NSMCE2: variants seen among roughly 807,000 people sequenced by gnomAD.
NSMCE2 encodes the protein E3 SUMO-protein ligase NSE2.
In NSMCE2, 24 loss-of-function variants were observed where a neutral mutation model predicts 23.8. The observed-to-expected ratio is 1.01, with a 90% confidence interval of 0.73 to 1.42. The LOEUF (loss-of-function observed/expected upper bound fraction) is 1.42. Ranked by LOEUF, NSMCE2 falls within the 40% of genes most tolerant of loss-of-function variation. The pLI, the probability that NSMCE2 is intolerant of heterozygous loss-of-function variation, is 0.00. For synonymous variants in NSMCE2, 92 were observed against 94.1 expected, an observed-to-expected ratio of 0.98 and a Z score of 0.13; for missense variants, 284 against 296.5, an observed-to-expected ratio of 0.96 and a Z score of 0.31.
intron 3 of NSMCE2, among the ~76,000 whole-genome samples, chr8:125,110,249 A>G (rs1818662676): frequency 1.3e-5 from 2 of 152,234 alleles, no homozygotes; most frequent in Admixed American, 1.3e-4. Context: ...ATGTATGTGC[A>G]TGAGGATTAA....
At chr8:125,294,774 G>T (rs796105915) in intron 5 of NSMCE2, among the ~76,000 whole-genome samples, 17 of 152,296 alleles carry the variant, frequency 1.1e-4, no homozygotes, top group African/African-American at 3.8e-4. Flanking sequence ...TTTGTTTTGC[G>T]CTATGAATTC....
chr8:125,103,947 C>A (rs1011136417), intron 3 of NSMCE2, among the ~76,000 whole-genome samples: 4 of 149,466 alleles, frequency 2.7e-5, no homozygotes, highest in African/African-American at 9.8e-5. Context: ...TTAATTCTGT[C>A]ATCTCTATGT....
At position 125,212,838 on chromosome 8, in the gene NSMCE2, C is replaced by T. The variant is rs202046362; in HGVS notation, c.418+30582C>T. 4.3e-4 allele frequency among the ~76,000 whole-genome samples: 65 copies of T among 152,206 alleles called. No homozygotes were observed. The East Asian group carries it at 8.9e-3, about 21-fold the overall frequency. On this transcript the variant is annotated intron_variant, in intron 5 of 7. Transcript: ENST00000287437. ...AGATTTCAGCCCGGGTTCTAATCAC[C>T]GAGGCATGTACCTGGTATGCCTGGA...
At chr8:125,344,810 A>T (rs1327891537) in intron 5 of NSMCE2, among the ~76,000 whole-genome samples, 1 of 151,894 alleles carries the variant, frequency 6.6e-6, no homozygotes, top group Non-Finnish European at 1.5e-5. Flanking sequence ...TTTTCACCTC[A>T]TGTAATGTAA....
At chr8:125,201,939 C>T (rs1823900646) in intron 5 of NSMCE2, among the ~76,000 whole-genome samples, 1 of 152,044 alleles carries the variant, frequency 6.6e-6, no homozygotes, top group Admixed American at 6.5e-5. Context: ...CCCCCGCCTT[C>T]CTGCGAAGCT....
At chr8:125,341,609 T>C (rs1392078701) in intron 5 of NSMCE2, among the ~76,000 whole-genome samples, 1 of 152,112 alleles carries the variant, frequency 6.6e-6, no homozygotes, top group African/African-American at 2.4e-5. Context: ...GGCAAAACAC[T>C]TGATCCCATC....
chr8:125,237,470 A>G (rs1304055754), intron 5 of NSMCE2, among the ~76,000 whole-genome samples: 1 of 152,176 alleles, frequency 6.6e-6, no homozygotes, highest in South Asian at 2.1e-4. Flanking sequence ...CATTCAGTCC[A>G]CCTGGCAGAT....
intron 5 of NSMCE2, among the ~76,000 whole-genome samples, chr8:125,196,178 G>A (rs1823606447): frequency 6.7e-6 from 1 of 149,472 alleles, no homozygotes; most frequent in Non-Finnish European, 1.5e-5. Flanking sequence ...GCCACCAAGT[G>A]CAGCCCTGGA....
intron 3 of NSMCE2, among the ~76,000 whole-genome samples, chr8:125,145,730 G>A (rs1820640024): frequency 1.3e-5 from 2 of 152,116 alleles, no homozygotes; most frequent in Admixed American, 1.3e-4. Flanking sequence ...AAGTAATTCT[G>A]CAACATGAAG....
chr8:125,151,425 C>T (rs1353122513), intron 4 of NSMCE2, 148 bp downstream of exon 4: 1 of 454,564 alleles, frequency 2.2e-6, no homozygotes, highest in African/African-American at 2.0e-5. Flanking sequence ...TTGGAAGTCT[C>T]ATAAAATTGG....
chr8:125,188,681 C>T (rs528883144), intron 5 of NSMCE2, among the ~76,000 whole-genome samples: 9 of 152,182 alleles, frequency 5.9e-5, no homozygotes, highest in South Asian at 4.1e-4. Context: ...AGACGGCAGC[C>T]GTTTAATTTA....
chr8:125,240,315 G>A (rs1825720452), intron 5 of NSMCE2, among the ~76,000 whole-genome samples: 1 of 151,960 alleles, frequency 6.6e-6, no homozygotes, highest in African/African-American at 2.4e-5. Context: ...AGTAGAGATG[G>A]GGTTTCACCA....
At chr8:125,105,331 A>G (rs1252077673) in intron 3 of NSMCE2, among the ~76,000 whole-genome samples, 2 of 152,202 alleles carry the variant, frequency 1.3e-5, no homozygotes. Context: ...TAGCTTTGAT[A>G]GATAGGCCTG....
intron 5 of NSMCE2, among the ~76,000 whole-genome samples, chr8:125,315,383 C>G (rs984745529): frequency 6.6e-5 from 10 of 152,168 alleles, no homozygotes; most frequent in Admixed American, 6.6e-4. Context: ...CACTGTAGCA[C>G]AGTGAGGGGC....
chr8:125,127,652 G>A (rs1819578401), intron 3 of NSMCE2, among the ~76,000 whole-genome samples: 1 of 152,106 alleles, frequency 6.6e-6, no homozygotes. Flanking sequence ...GCATTACCCT[G>A]TATCTGCCTT....
intron 3 of NSMCE2, chr8:125,124,239 A>G (rs371710022): frequency 1.3e-5 from 2 of 152,270 alleles, no homozygotes; most frequent in African/African-American, 4.8e-5. Context: ...ATTCCTTTTT[A>G]TAGCTGAATA....
chr8:125,353,524 G>A (rs890094999), intron 5 of NSMCE2, among the ~76,000 whole-genome samples: 3 of 152,138 alleles, frequency 2.0e-5, no homozygotes, highest in Non-Finnish European at 4.4e-5. Flanking sequence ...TCATAGCCAT[G>A]AGCAATATAA....
chr8:125,099,198 G>A (rs1031359082), intron 1 of NSMCE2, among the ~76,000 whole-genome samples: 2 of 152,136 alleles, frequency 1.3e-5, no homozygotes, highest in African/African-American at 2.4e-5. Context: ...ATACAAGAAT[G>A]TCGTTTGGCA....
At chr8:125,313,692 G>A (rs534048443) in intron 5 of NSMCE2, among the ~76,000 whole-genome samples, 6 of 152,234 alleles carry the variant, frequency 3.9e-5, no homozygotes, top group South Asian at 2.1e-4. Flanking sequence ...TGTTATACAC[G>A]TCCTTAGAGT....
Sources: gnomAD v4.1 joint callset for allele counts (sites outside exome capture counted in the v4.1 genomes callset) on GRCh38, gnomAD v4.1.1 for gene constraint, MANE v1.5 for transcripts, NCBI Gene and HGNC (gene_info 2026-07-23, HGNC 2026-07-21) for gene names.